PNPLA8: variants seen among roughly 807,000 people sequenced by gnomAD.
The protein encoded by PNPLA8 is calcium-independent phospholipase A2-gamma.
A neutral mutation model predicts 76.9 loss-of-function variants in PNPLA8; 39 were observed. The observed-to-expected ratio is 0.51, with a 90% confidence interval of 0.39 to 0.66. The LOEUF is 0.66. Ranked by LOEUF, PNPLA8 falls within the 30% of genes least tolerant of loss-of-function variation. The pLI is 0.00. For missense variants in PNPLA8, 887 were observed against 918.0 expected (o/e 0.97, Z 0.44); for synonymous variants, 301 against 307.9 (o/e 0.98, Z 0.24).
At chr7:108,507,711 CA>C (rs558296311) in intron 4 of PNPLA8, among the ~76,000 whole-genome samples, 3 of 151,934 alleles carry the variant, frequency 2.0e-5, no homozygotes, top group African/African-American at 7.2e-5. Flanking sequence ...TTTAAAGGTG[CA>C]AAAAAATTCA....
intron 7 of PNPLA8, among the ~76,000 whole-genome samples, chr7:108,496,217 G>C (rs1193754483): frequency 6.6e-6 from 1 of 152,062 alleles, no homozygotes; most frequent in Non-Finnish European, 1.5e-5. Context: ...CCTGGGCAAC[G>C]GGAGTGAGAG....
At chr7:108,513,226 T>C (rs1863065399) in intron 4 of PNPLA8, among the ~76,000 whole-genome samples, 1 of 152,198 alleles carries the variant, frequency 6.6e-6, no homozygotes, top group Admixed American at 6.5e-5. Context: ...ATGTGAAATA[T>C]ACTTAAAAGC....
chr7:108,521,934 AG>A, intron 1 of PNPLA8, among the ~76,000 whole-genome samples: 1 of 152,300 alleles, frequency 6.6e-6, no homozygotes, highest in Non-Finnish European at 1.5e-5. Context: ...CCACGATGGA[AG>A]GGGGGTTGGA....
chr7:108,486,119 G>A (rs180939553), intron 9 of PNPLA8, among the ~76,000 whole-genome samples: 2 of 152,094 alleles, frequency 1.3e-5, no homozygotes, highest in East Asian at 3.9e-4. Flanking sequence ...ATATTCAACA[G>A]TACTGAATTA....
At chr7:108,516,126 C>T (rs1162050116) in intron 2 of PNPLA8, among the ~76,000 whole-genome samples, 1 of 152,122 alleles carries the variant, frequency 6.6e-6, no homozygotes, top group Non-Finnish European at 1.5e-5. Context: ...GTAATAAGTG[C>T]TCATTAAATC....
intron 9 of PNPLA8, chr7:108,480,646 T>C (rs1346942162): frequency 1.2e-5 from 4 of 332,096 alleles, no homozygotes; most frequent in African/African-American, 4.3e-5. Context: ...CTCCCACATA[T>C]AGCCTTAAAC....
rs1038904603 is a variant in PNPLA8, at chr7:108,517,454, A to G, written c.-83-1880T>C. ...AGTCCATAATAAAATCTGCACGAGG[A>G]TGTTTACAGAAGCCTTATTCATAAT... On this transcript the variant is annotated intron_variant, in intron 2 of 10. Transcript: ENST00000257694. 8.5e-5 allele frequency among the ~76,000 whole-genome samples: 13 copies of G among 152,360 alleles called. No individual in the cohort carries two copies. The East Asian group carries it at 2.5e-3, about 29-fold the overall frequency.
intron 2 of PNPLA8, among the ~76,000 whole-genome samples, chr7:108,518,758 T>TATATATAC (rs1554690263): frequency 2.1e-4 from 26 of 123,018 alleles, no homozygotes; most frequent in South Asian, 5.4e-4. Context: ...TATATATATA[T>TATATATAC]ACACACACAC....
chr7:108,494,667 G>A (rs1042006587), intron 7 of PNPLA8, among the ~76,000 whole-genome samples: 18 of 152,098 alleles, frequency 1.2e-4, no homozygotes, highest in African/African-American at 4.3e-4. Context: ...GTGCTATAAT[G>A]AACACATAAG....
Position 108,479,346 on chromosome 7 carries a change from A to G in PNPLA8, c.1912T>C (p.Leu638=), listed in dbSNP as rs374518454. ...AGACATTTACACTCATGCATAGCTAATGCCGAAGGGTTATTCAGAAGCAAA... is the reference window on the plus strand; with the variant it reads ...AGACATTTACACTCATGCATAGCTAGTGCCGAAGGGTTATTCAGAAGCAAA... The part of the protein sequence containing the change: ...GGLLLNNPSA[L]AMHECKCLWP... The change falls in exon 10 of 11, where the codon TTA becomes CTA. Residue 638 remains leucine, a synonymous_variant. Coordinates refer to ENST00000257694, the MANE Select transcript of PNPLA8 (RefSeq NM_001256007.3). 1.9e-6 allele frequency: 3 copies of G among 1,613,584 alleles called. No individual in the cohort carries two copies. The highest frequency in any genetic ancestry group is 2.7e-5 in the African/African-American group (2 of 74,930).
chr7:108,497,765 TA>T (rs1205744850), intron 5 of PNPLA8, among the ~76,000 whole-genome samples, 188 bp from the exon 6 acceptor site: 1 of 148,418 alleles, frequency 6.7e-6, no homozygotes, highest in Non-Finnish European at 1.5e-5. Flanking sequence ...ATCTAATATC[TA>T]AATGATAAAA....
At chr7:108,475,876 T>C (rs761400239) in intron 10 of PNPLA8, among the ~76,000 whole-genome samples, 3 of 152,222 alleles carry the variant, frequency 2.0e-5, no homozygotes, top group Non-Finnish European at 2.9e-5. Flanking sequence ...TCTACTTTTC[T>C]AGTTGTTTAA....
intron 4 of PNPLA8, among the ~76,000 whole-genome samples, chr7:108,507,087 A>G (rs988489727): frequency 2.0e-5 from 3 of 152,154 alleles, no homozygotes; most frequent in African/African-American, 7.2e-5. Context: ...TCACGCCTGT[A>G]ATCCCAGCAC....
At chr7:108,495,295 G>A (rs910793989) in intron 7 of PNPLA8, among the ~76,000 whole-genome samples, 1 of 152,094 alleles carries the variant, frequency 6.6e-6, no homozygotes, top group Admixed American at 6.5e-5. Context: ...AGTATCTGAA[G>A]TATCCTTTTC....
chr7:108,525,072 A>C (rs1380006874), intron 1 of PNPLA8, among the ~76,000 whole-genome samples: 1 of 152,058 alleles, frequency 6.6e-6, no homozygotes, highest in East Asian at 1.9e-4. Context: ...TTTAGTCCTG[A>C]TATAGAAATA....
chr7:108,519,685 C>T (rs1397003912), intron 2 of PNPLA8, among the ~76,000 whole-genome samples: 2 of 152,128 alleles, frequency 1.3e-5, no homozygotes, highest in Non-Finnish European at 2.9e-5. Flanking sequence ...CAAAATATGG[C>T]TCCCTGGTAT....
Position 108,514,893 on chromosome 7 carries a change from A to G in PNPLA8, c.599T>C (p.Phe200Ser), listed in dbSNP as rs769056913. 1 of 1,609,016 alleles carries G rather than the reference A, an allele frequency of 6.2e-7. No homozygotes were observed. Among genetic ancestry groups the G allele is most frequent in the Non-Finnish European group, 8.5e-7 (1 of 1,177,460 alleles). ...FHYTSSITTK[F>S]GDSFYFLSNH... ...TGATAAAAAGTAGAATGAGTCTCCA[A>G]ATTTTGTGGTTATAGAACTTGTGTA... Residue 200 changes from phenylalanine to serine, a missense_variant, in exon 3 of 11, where the codon TTT (phenylalanine) becomes TCT (serine). Phe to Ser is a radical substitution (Grantham distance 155). Coordinates refer to ENST00000257694, the MANE Select transcript of PNPLA8 (RefSeq NM_001256007.3).
chr7:108,510,123 C>G, intron 4 of PNPLA8: 1 of 563,860 alleles, frequency 1.8e-6, no homozygotes, highest in Middle Eastern at 4.7e-4. Flanking sequence ...CACATGTATA[C>G]ATATGTAACT....
chr7:108,516,598 C>G (rs930162143), intron 2 of PNPLA8, among the ~76,000 whole-genome samples: 1 of 152,092 alleles, frequency 6.6e-6, no homozygotes, highest in African/African-American at 2.4e-5. Context: ...GTAAGGTAGA[C>G]TTCATTAATA....
Sources: gnomAD v4.1 joint callset for allele counts (sites outside exome capture counted in the v4.1 genomes callset) on GRCh38, gnomAD v4.1.1 for gene constraint, MANE v1.5 for transcripts, NCBI Gene and HGNC (gene_info 2026-07-23, HGNC 2026-07-21) for gene names.